Variants in KDR observed in about 807,000 individuals in gnomAD.
KDR encodes kinase insert domain receptor.
A neutral mutation model predicts 160.9 loss-of-function variants in KDR; 43 were observed. The observed-to-expected ratio is 0.27, with a 90% confidence interval of 0.21 to 0.34. The LOEUF is 0.34. KDR is among the 10% of genes least tolerant of loss of function. The pLI is 1.00. For missense variants in KDR, 1,469 were observed against 1,666.4 expected (o/e 0.88, Z 2.06); for synonymous variants, 617 against 600.1 (o/e 1.03, Z -0.41).
In KDR at chr4:55,106,623, T is replaced by C; in HGVS notation, c.1536+64A>G. 3.3e-6 allele frequency: 4 copies of C among 1,195,800 alleles called. No homozygotes were observed. In the South Asian group the frequency reaches 3.7e-5, roughly 11 times the overall value. The allele number at this position is 1,195,800 out of a possible 1,614,324, so 74.1% of individuals were successfully genotyped here. ...TTATTAATCTCCAATATGCCTCACA[T>C]ATTATTGTACCATCCTTCCATTAAA... On this transcript the variant is annotated intron_variant, in intron 11 of 29. Transcript: ENST00000263923.
chr4:55,097,867 A>G, intron 17 of KDR, 101 bp from the exon 18 acceptor site: 1 of 892,026 alleles, frequency 1.1e-6, no homozygotes. Flanking sequence ...CATACATCCC[A>G]ATTTAACATG....
rs1227980262 is a variant in KDR, at chr4:55,101,979, C to G, written c.2184G>C (p.Arg728Ser). The G allele has an allele frequency of 6.2e-7, 1 of 1,613,754 alleles. No homozygotes were observed. The highest frequency in any genetic ancestry group is 8.5e-7 in the Non-Finnish European group (1 of 1,179,742). ...AGGTGTAGAGGCCTTCGTCCTCCTT[C>G]CTCACTCTGCGGATAGTGAGGTTCC... ...GNRNLTIRRV[R>S]KEDEGLYTCQ... Residue 728 changes from arginine to serine, a missense_variant, in exon 15 of 30, where the codon AGG becomes AGC. Coordinates refer to ENST00000263923, the MANE Select transcript of KDR (RefSeq NM_002253.4).
In KDR at chr4:55,080,102, C is replaced by A. The variant is rs758952853; in HGVS notation, c.3910G>T (p.Gly1304Cys). 119 of 1,613,926 alleles carry A rather than the reference C, an allele frequency of 7.4e-5. No homozygotes were observed. The highest frequency in any genetic ancestry group is 9.7e-5 in the Non-Finnish European group (114 of 1,180,046). The part of the protein sequence containing the change: ...VASEGSNQTS[G>C]YQSGYHSDDT... ...TCGGAGTGATATCCGGACTGGTAGC[C>A]GCTTGTCTGGTTTGAGCCTTCAGAT... Residue 1304 changes from glycine (G) to cysteine (C), a missense_variant, in exon 30 of 30, where the codon GGC becomes TGC. Transcript: ENST00000263923.
chr4:55,088,729 T>A, intron 26 of KDR, 139 bp downstream of exon 26: 1 of 709,392 alleles, frequency 1.4e-6, no homozygotes. Flanking sequence ...AAAGCATTAT[T>A]ACTCAGATGT....
chr4:55,113,385 G>A lies in KDR; in HGVS notation c.895C>T (p.Arg299Trp), dbSNP rs368062574. Reference protein sequence around the residue: ...LSTLTIDGVTRSDQGLYTCAA... With the variant: ...LSTLTIDGVTWSDQGLYTCAA... ...CAGGTGTACAATCCTTGGTCACTCC[G>A]GGTTACACCATCTATAGTTAAGGTG... Residue 299 changes from arginine to tryptophan, a missense_variant, in exon 7 of 30, where the codon CGG becomes TGG. Around this residue, in one of 7 missense-constraint regions of KDR, gnomAD observed 792 missense variants for 840.9 expected, o/e 0.94. Coordinates refer to ENST00000263923, the MANE Select transcript of KDR (RefSeq NM_002253.4). 5.4e-5 allele frequency: 87 copies of A among 1,613,940 alleles called. 1 individual carries two copies. The highest frequency in any genetic ancestry group is 3.8e-4 in the Admixed American group (23 of 59,990).
At chr4:55,104,526 G>T in intron 13 of KDR, 117 bp downstream of exon 13, 1 of 793,688 alleles carries the variant, frequency 1.3e-6, no homozygotes, top group Non-Finnish European at 2.1e-6. Flanking sequence ...GAAGAAGTGT[G>T]CACCAGTTTA....
At chr4:55,101,050 C>T (rs1355825766) in intron 15 of KDR, among the ~76,000 whole-genome samples, 1 of 152,144 alleles carries the variant, frequency 6.6e-6, no homozygotes, top group Non-Finnish European at 1.5e-5. Context: ...GTCAGAAGAG[C>T]AATGGTCTAT....
At chr4:55,095,198 T>G (rs1272466931) in intron 20 of KDR, among the ~76,000 whole-genome samples, 1 of 152,140 alleles carries the variant, frequency 6.6e-6, no homozygotes, top group Non-Finnish European at 1.5e-5. Flanking sequence ...ATGCCACATT[T>G]TGAGTTGCAT....
intron 13 of KDR, among the ~76,000 whole-genome samples, chr4:55,103,097 A>G (rs1720355721): frequency 6.6e-6 from 1 of 152,178 alleles, no homozygotes; most frequent in Non-Finnish European, 1.5e-5. Context: ...TGTTTACAGA[A>G]TCTGGTGAGG....
chr4:55,108,226 G>A (rs942543175), intron 9 of KDR, among the ~76,000 whole-genome samples: 4 of 149,280 alleles, frequency 2.7e-5, no homozygotes, highest in Admixed American at 6.7e-5. Flanking sequence ...ATAAAGTAAC[G>A]AAATAAAATA....
rs765640763 is a variant in KDR at position 55,113,426 on chromosome 4, A to G, written c.854T>C (p.Met285Thr). 6.2e-7 allele frequency: 1 copy of G among 1,613,948 alleles called. No homozygotes were observed. Residue 285 changes from methionine to threonine, a missense_variant, in exon 7 of 30, where the codon ATG (methionine) becomes ACG (threonine). Physicochemically the swap from Met to Thr is moderately conservative, Grantham distance 81. This residue lies in a region of KDR where 792 missense variants were observed against 840.9 expected (regional missense o/e 0.94). Transcript: ENST00000263923. The stretch of plus-strand genomic sequence containing the variant: ...AGTTAAGGTGCTCAAAAATTTCTTC[A>G]TCTCACTCCCAGACTGGGTTTTTAG... ...RDLKTQSGSE[M>T]KKFLSTLTID...
intron 1 of KDR, 64 bp downstream of exon 1, chr4:55,125,163 C>A: frequency 6.9e-7 from 1 of 1,454,738 alleles, no homozygotes; most frequent in East Asian, 2.3e-5. Context: ...TTAGATCTGG[C>A]TTTCAGGTCC....
intron 15 of KDR, among the ~76,000 whole-genome samples, chr4:55,100,688 G>A (rs190541526): frequency 6.6e-6 from 1 of 152,232 alleles, no homozygotes; most frequent in East Asian, 1.9e-4. Flanking sequence ...ATGCTAATAA[G>A]CTTATACATT....
intron 21 of KDR, 54 bp downstream of exon 21, chr4:55,094,748 C>T (rs1720105382): frequency 6.5e-7 from 1 of 1,536,262 alleles, no homozygotes; most frequent in African/African-American, 1.4e-5. Flanking sequence ...ACCCTATCAC[C>T]CTGTCTGCTC....
At chr4:55,092,336 A>G in intron 22 of KDR, 1 of 442,958 alleles carries the variant, frequency 2.3e-6, no homozygotes, top group Admixed American at 3.4e-5. Flanking sequence ...ATGAAGGTGA[A>G]GAGCTTTGCC....
At chr4:55,115,500 A>T in intron 3 of KDR, 89 bp from the exon 4 acceptor site, 1 of 743,800 alleles carries the variant, frequency 1.3e-6, no homozygotes, top group Non-Finnish European at 2.4e-6. Context: ...TAACCAGACA[A>T]GTGAATGACT....
In KDR at chr4:55,110,707, C is replaced by G. The variant is rs368229078; in HGVS notation, c.1038G>C (p.Glu346Asp). The G allele has an allele frequency of 1.2e-6, 2 of 1,613,568 alleles. No homozygotes were observed. The highest frequency in any genetic ancestry group is 2.2e-5 in the South Asian group (2 of 91,040). ...GGTACTTCGCAGGGATTCTGACACG[C>G]TCCCCCACCGTGGCTTCCACCAGAG... ...MESLVEATVG[E>D]RVRIPAKYLG... The change falls in exon 8 of 30, where the codon GAG becomes GAC. Residue 346 changes from glutamate to aspartate, a missense_variant. Around this residue, in one of 7 missense-constraint regions of KDR, gnomAD observed 792 missense variants for 840.9 expected, o/e 0.94. Coordinates refer to ENST00000263923, the MANE Select transcript of KDR (RefSeq NM_002253.4).
intron 2 of KDR, among the ~76,000 whole-genome samples, chr4:55,119,539 A>C (rs1354892559): frequency 6.6e-6 from 1 of 152,196 alleles, no homozygotes; most frequent in African/African-American, 2.4e-5. Flanking sequence ...CAAAGAAAAG[A>C]GTAAAGAATT....
chr4:55,121,681 T>A (rs1424502650), intron 1 of KDR, among the ~76,000 whole-genome samples: 1 of 152,230 alleles, frequency 6.6e-6, no homozygotes, highest in East Asian at 1.9e-4. Context: ...CATTTTCCTT[T>A]ATCAATTTTC....
Sources: gnomAD v4.1 joint callset for allele counts (sites outside exome capture counted in the v4.1 genomes callset) on GRCh38, gnomAD v4.1.1 for gene constraint, gnomAD v4.1.1 regional missense constraint, MANE v1.5 for transcripts, NCBI Gene and HGNC (gene_info 2026-07-23, HGNC 2026-07-21) for gene names.